Variants in GRAMD1A observed in about 807,000 individuals in gnomAD.
GRAMD1A encodes protein Aster-A.
A neutral mutation model predicts 92.0 loss-of-function variants in GRAMD1A; 50 were observed. The observed-to-expected ratio is 0.54, with a 90% CI of 0.43 to 0.69. The LOEUF (loss-of-function observed/expected upper bound fraction) is 0.69. GRAMD1A is among the 30% of genes least tolerant of loss of function. The probability of loss-of-function intolerance (pLI) is 0.00; values close to 1 mark genes in which losing one functional copy is unlikely to be tolerated. For missense variants in GRAMD1A, 819 were observed against 978.9 expected (o/e 0.84, Z 2.18); for synonymous variants, 405 against 403.6 (o/e 1.00, Z -0.04).
chr19:35,014,749 G>T (rs1226083655), intron 10 of GRAMD1A: 2 of 278,936 alleles, frequency 7.2e-6, no homozygotes, highest in South Asian at 4.0e-5. Flanking sequence ...AATGAGGCTG[G>T]GTGTGATGGC....
rs373372247 is a variant in GRAMD1A, at chr19:35,022,072, C to A, written c.1841+34C>A. ...GAGACAGGAGCAGTGGCCACACAGGCCTGAACCTGCCTCCTGGCTGTGTGA... is the reference window on the plus strand; with the variant it reads ...GAGACAGGAGCAGTGGCCACACAGGACTGAACCTGCCTCCTGGCTGTGTGA... On this transcript the variant is annotated intron_variant, in intron 16 of 19. Transcript: ENST00000317991. The A allele has an allele frequency of 2.7e-6, 4 of 1,470,352 alleles. No individual in the cohort carries two copies. In the African/African-American group the frequency reaches 4.2e-5, roughly 15 times the overall value. The allele number at this position is 1,470,352 out of a possible 1,614,324, so 91.1% of individuals were successfully genotyped here. A position where few individuals can be genotyped will look rare whatever the true frequency, so the allele number is the denominator to read the frequency against.
At chr19:35,023,885 C>T (rs983769877) in intron 19 of GRAMD1A, 7 of 207,000 alleles carry the variant, frequency 3.4e-5, no homozygotes, top group Non-Finnish European at 5.8e-5. Flanking sequence ...GGAGGCCACC[C>T]TTTTCCCCCC....
chr19:35,013,860 G>A lies in GRAMD1A; in HGVS notation c.870+169G>A, dbSNP rs1033264872. On this transcript the variant is annotated intron_variant, in intron 9 of 19. Transcript: ENST00000317991. This position sits in a 1 kb window ranked among gnomAD's most constrained non-coding sequence, Gnocchi z 4.9. The stretch of plus-strand genomic sequence containing the variant: ...GGAGGGGAAGACGGACATGTGACAG[G>A]GAAAGAGAGACAGGGAAGAGAGGGG... 5.9e-5 allele frequency among the ~76,000 whole-genome samples: 9 copies of A among 152,110 alleles called. No homozygotes were observed. Among genetic ancestry groups the A allele is most frequent in the East Asian group, 1.9e-4 (1 of 5,188 alleles).
chr19:35,010,434 C>T, intron 6 of GRAMD1A, 55 bp downstream of exon 6: 1 of 1,141,348 alleles, frequency 8.8e-7, no homozygotes, highest in Non-Finnish European at 1.3e-6. Context: ...CAGGCCGCCT[C>T]CCCCAAACAT....
At chr19:35,016,951 C>G (rs1422678466) in intron 11 of GRAMD1A, among the ~76,000 whole-genome samples, 1 of 147,064 alleles carries the variant, frequency 6.8e-6, no homozygotes, top group Non-Finnish European at 1.5e-5. Context: ...GTGGGAAGTT[C>G]ATGTCAGCCC....
upstream of GRAMD1A, among the ~76,000 whole-genome samples, chr19:34,996,648 A>C (rs910776217): frequency 6.6e-6 from 1 of 152,122 alleles, no homozygotes; most frequent in Admixed American, 6.5e-5. Flanking sequence ...CTTGACTAAA[A>C]ACACAAAATT....
rs2016438774 is a variant in GRAMD1A at position 35,026,348 on chromosome 19, A to T, written c.*207A>T. On this transcript the variant is annotated 3_prime_UTR_variant, in exon 20 of 20. Transcript: ENST00000317991. ...CCGGCCTCTGGCAGGCCCCCCACTA[A>T]CTTATTTTGCCCGGCTGAGGTTGTG... 5.2e-6 allele frequency: 3 copies of T among 580,982 alleles called. No individual in the cohort carries two copies. In the East Asian group the frequency reaches 8.4e-5, roughly 16 times the overall value. 36.0% of individuals were successfully genotyped at this position (580,982 alleles called of 1,614,324 possible). A position where few individuals can be genotyped will look rare whatever the true frequency, so the allele number is the denominator to read the frequency against.
intron 12 of GRAMD1A, 31 bp downstream of exon 12, chr19:35,019,340 G>A (rs1305064533): frequency 1.9e-6 from 3 of 1,612,842 alleles, no homozygotes; most frequent in South Asian, 1.1e-5. Flanking sequence ...GAGTGGGTGG[G>A]GCAGCTGGGT....
rs763885002 is a variant in GRAMD1A, at chr19:35,011,467, C to G, written c.526-7C>G. ...CTCACACCTCTCTCTCTCTCTCTCC[C>G]TGACAGCATTTCTTCACTTCCTTTG... On this transcript the variant is annotated splice_polypyrimidine_tract_variant and splice_region_variant and intron_variant, in intron 6 of 19. Transcript: ENST00000317991. The G allele has an allele frequency of 3.7e-6, 6 of 1,605,976 alleles. No individual in the cohort carries two copies. The highest frequency in any genetic ancestry group is 5.1e-6 in the Non-Finnish European group (6 of 1,176,268).
intron 10 of GRAMD1A, chr19:35,014,907 C>G (rs764428034): frequency 6.1e-6 from 1 of 164,886 alleles, no homozygotes; most frequent in African/African-American, 2.4e-5. Context: ...TGGTGCACAC[C>G]TATAGTACCA....
Position 35,015,932 on chromosome 19 carries a change from T to A in GRAMD1A, c.1178T>A (p.Phe393Tyr). 1 of 1,614,046 alleles carries A rather than the reference T, an allele frequency of 6.2e-7. No homozygotes were observed. Among genetic ancestry groups the A allele is most frequent in the Non-Finnish European group, 8.5e-7 (1 of 1,179,960 alleles). The change falls in exon 11 of 20, where the codon TTC (phenylalanine) becomes TAC (tyrosine). Residue 393 changes from phenylalanine (F) to tyrosine (Y), a missense_variant. Physicochemically the swap from Phe to Tyr is conservative, Grantham distance 22. Around this residue, in one of 3 missense-constraint regions of GRAMD1A, gnomAD observed 577 missense variants for 674.6 expected, o/e 0.86. Coordinates refer to ENST00000317991, the MANE Select transcript of GRAMD1A (RefSeq NM_020895.5). ...CAGATGCTCTTCTCGGACTCGCCCTTCCTCCAGGGCTTCCTACAGCAGTGC... is the reference window on the plus strand; with the variant it reads ...CAGATGCTCTTCTCGGACTCGCCCTACCTCCAGGGCTTCCTACAGCAGTGC... ...LQQMLFSDSPFLQGFLQQCKF... is the reference protein window; with the variant it reads ...LQQMLFSDSPYLQGFLQQCKF...
chr19:35,018,512 TG>T (rs1021339194), intron 11 of GRAMD1A, among the ~76,000 whole-genome samples: 2 of 152,138 alleles, frequency 1.3e-5, no homozygotes, highest in African/African-American at 4.8e-5. Context: ...GAGATTTGGG[TG>T]GGGACAAATA....
chr19:35,003,391 G>GAGTCTCCTC (rs2014558517), intron 1 of GRAMD1A, among the ~76,000 whole-genome samples: 1 of 152,086 alleles, frequency 6.6e-6, no homozygotes, highest in Non-Finnish European at 1.5e-5. Flanking sequence ...CATCCCTTCC[G>GAGTCTCCTC]AGTCTCCTCG....
At position 35,011,559 on chromosome 19, in the gene GRAMD1A, G is replaced by A; in HGVS notation, c.606+5G>A. 6.2e-7 allele frequency: 1 copy of A among 1,604,952 alleles called. No individual in the cohort carries two copies. The highest frequency in any genetic ancestry group is 8.5e-7 in the Non-Finnish European group (1 of 1,174,970). On this transcript the variant is annotated splice_donor_5th_base_variant and intron_variant, in intron 7 of 19. Transcript: ENST00000317991. ...CAGAATGCACTGCTTGAAAAGGTGG[G>A]CCTGGGTGAGGCCCGGGTGGGGATG... is the stretch of plus-strand genomic sequence containing the variant.
rs1478603438 is a variant in GRAMD1A, at chr19:35,019,182, C to G, written c.1214-9C>G. The G allele has an allele frequency of 6.3e-7, 1 of 1,579,898 alleles. No individual in the cohort carries two copies. The highest frequency in any genetic ancestry group is 8.7e-7 in the Non-Finnish European group (1 of 1,151,952). The stretch of plus-strand genomic sequence containing the variant: ...TGTGGCCTCCTCATGCTGCTCCTCC[C>G]TCCTCTAGACGTGACGCTGAGCCCC... On this transcript the variant is annotated splice_polypyrimidine_tract_variant and intron_variant, in intron 11 of 19. Transcript: ENST00000317991.
In GRAMD1A at chr19:35,014,203, G is replaced by A. The variant is rs2015459056; in HGVS notation, c.885G>A (p.Lys295=). 6.2e-7 allele frequency: 1 copy of A among 1,613,564 alleles called. No homozygotes were observed. Among genetic ancestry groups the A allele is most frequent in the Non-Finnish European group, 8.5e-7 (1 of 1,179,972 alleles). The change falls in exon 10 of 20, where the codon AAG becomes AAA. Residue 295 remains lysine, a synonymous_variant. Coordinates refer to ENST00000317991, the MANE Select transcript of GRAMD1A (RefSeq NM_020895.5). ...TTTCTCCACAGGCAGAGGAGGACAAGGAGGAGCAGGTAGACAGCCAGCCAG... is the reference window on the plus strand; with the variant it reads ...TTTCTCCACAGGCAGAGGAGGACAAAGAGGAGCAGGTAGACAGCCAGCCAG... The part of the protein sequence containing the change: ...SDADHGAEED[K]EEQVDSQPDA...
Position 35,009,343 on chromosome 19 carries a change from C to G in GRAMD1A, c.219+14C>G, listed in dbSNP as rs775305731. 6.2e-7 allele frequency: 1 copy of G among 1,613,860 alleles called. No individual in the cohort carries two copies. The highest frequency in any genetic ancestry group is 1.1e-5 in the South Asian group (1 of 91,068). The stretch of plus-strand genomic sequence containing the variant: ...CGCAACAGCAAGGTTGGTGCAAGCC[C>G]AGGTGGGGTGGGGAGAGGGCTAGTG... On this transcript the variant is annotated intron_variant, in intron 2 of 19. Coordinates refer to ENST00000317991, the MANE Select transcript of GRAMD1A (RefSeq NM_020895.5).
intron 1 of GRAMD1A, among the ~76,000 whole-genome samples, chr19:35,006,347 A>T (rs1212474731): frequency 6.6e-6 from 1 of 152,030 alleles, no homozygotes; most frequent in African/African-American, 2.4e-5. Flanking sequence ...AAAGAAAGAA[A>T]CCAGGCCCGT....
rs545762027 is a variant in GRAMD1A at position 35,009,778 on chromosome 19, C to T, written c.241-110C>T. ...ATTGTGGCTACTGGTGTGTTGTGTGCGTTGGAATCTGTCAGGGACTTAAGA... is the reference window on the plus strand; with the variant it reads ...ATTGTGGCTACTGGTGTGTTGTGTGTGTTGGAATCTGTCAGGGACTTAAGA... On this transcript the variant is annotated intron_variant, in intron 3 of 19. Transcript: ENST00000317991. The T allele has an allele frequency of 4.1e-4, 312 of 762,606 alleles. No individual in the cohort carries two copies. The African/African-American group carries it at 4.7e-3, about 11-fold the overall frequency. 47.2% of individuals were successfully genotyped at this position (762,606 alleles called of 1,614,324 possible).
Sources: allele counts gnomAD v4.1 joint callset (sites outside exome capture counted in the v4.1 genomes callset), GRCh38; gene constraint gnomAD v4.1.1; regional missense constraint gnomAD v4.1.1; non-coding constraint Gnocchi (gnomAD v3.1); transcripts MANE v1.5; gene names NCBI Gene and HGNC (gene_info 2026-07-23, HGNC 2026-07-21).